Variants in NCKAP5 observed in about 807,000 individuals in gnomAD.
NCKAP5 encodes NCK associated protein 5.
In NCKAP5, 92 loss-of-function variants were observed where a neutral mutation model predicts 167.0. The ratio of observed to expected loss-of-function variants is 0.55; its 90% confidence interval spans 0.47 to 0.66. The LOEUF (loss-of-function observed/expected upper bound fraction) is 0.66, where lower values mean the gene tolerates loss of function less well. Among genes scored for constraint, NCKAP5 ranks in the 30% least tolerant of loss-of-function variants. The probability of loss-of-function intolerance (pLI) is 0.00; values close to 1 mark genes in which losing one functional copy is unlikely to be tolerated. For synonymous variants in NCKAP5, 891 were observed against 877.4 expected (o/e 1.02, Z -0.27); for missense variants, 2,378 against 2,315.0 (o/e 1.03, Z -0.56).
chr2:132,773,570 G>GT (rs1456345279), intron 16 of NCKAP5, among the ~76,000 whole-genome samples: 1 of 152,082 alleles, frequency 6.6e-6, no homozygotes, highest in Non-Finnish European at 1.5e-5. Flanking sequence ...ATTTCATATT[G>GT]ACAAATACTT....
At chr2:133,528,844 C>A (rs1685127509) in intron 2 of NCKAP5, among the ~76,000 whole-genome samples, 1 of 152,228 alleles carries the variant, frequency 6.6e-6, no homozygotes. Context: ...CTCACTAGGG[C>A]TTGCCCATCT....
intron 15 of NCKAP5, among the ~76,000 whole-genome samples, chr2:132,777,082 TAGA>T (rs1682616930): frequency 6.6e-6 from 1 of 152,220 alleles, no homozygotes; most frequent in Non-Finnish European, 1.5e-5. Flanking sequence ...TGGTAAAAAG[TAGA>T]AGGTGACTCA....
At chr2:133,466,959 G>A (rs955815153) in intron 3 of NCKAP5, among the ~76,000 whole-genome samples, 1 of 152,056 alleles carries the variant, frequency 6.6e-6, no homozygotes, top group Non-Finnish European at 1.5e-5. Context: ...CTGCAAACAG[G>A]GACAATTTGA....
intron 3 of NCKAP5, among the ~76,000 whole-genome samples, chr2:133,444,244 C>T (rs1016635106): frequency 2.0e-5 from 3 of 152,102 alleles, no homozygotes; most frequent in African/African-American, 7.2e-5. Context: ...TAGGGAAAGA[C>T]TCACAGCGTC....
At chr2:133,187,057 G>C (rs866286400) in intron 5 of NCKAP5, among the ~76,000 whole-genome samples, 12 of 151,970 alleles carry the variant, frequency 7.9e-5, no homozygotes, top group African/African-American at 2.7e-4. Flanking sequence ...TTGTTAATTT[G>C]AGATTTTTCT....
intron 11 of NCKAP5, among the ~76,000 whole-genome samples, chr2:132,844,439 A>AT (rs1158229153): frequency 3.9e-5 from 6 of 151,982 alleles, no homozygotes; most frequent in Admixed American, 3.3e-4. Flanking sequence ...TATGACATAC[A>AT]TTTTTTCCAG....
At chr2:133,464,937 A>T (rs1692451719) in intron 3 of NCKAP5, among the ~76,000 whole-genome samples, 1 of 151,844 alleles carries the variant, frequency 6.6e-6, no homozygotes, top group Non-Finnish European at 1.5e-5. Flanking sequence ...GGCCAATTAT[A>T]GACTAATTGA....
chr2:133,128,306 C>T (rs2149788195), intron 6 of NCKAP5, among the ~76,000 whole-genome samples: 1 of 152,250 alleles, frequency 6.6e-6, no homozygotes, highest in Admixed American at 6.5e-5. Context: ...AAAAGTGAAA[C>T]AAATTATTTT....
intron 3 of NCKAP5, among the ~76,000 whole-genome samples, chr2:133,336,378 C>A (rs1683207153): frequency 6.6e-6 from 1 of 152,118 alleles, no homozygotes; most frequent in Non-Finnish European, 1.5e-5. Context: ...CAAGGCCATG[C>A]TTTTCCTTTC....
chr2:133,354,059 T>G (rs2150830101), intron 3 of NCKAP5, among the ~76,000 whole-genome samples: 1 of 152,306 alleles, frequency 6.6e-6, no homozygotes, highest in Admixed American at 6.5e-5. Flanking sequence ...CACAGCTACT[T>G]GGGCTCCTGC....
intron 6 of NCKAP5, among the ~76,000 whole-genome samples, chr2:132,998,749 T>C (rs771891166): frequency 3.3e-5 from 5 of 152,200 alleles, no homozygotes; most frequent in Non-Finnish European, 7.3e-5. Flanking sequence ...AAGTTTGCAT[T>C]ACTAGCCAGC....
At chr2:133,596,789 T>G in the NCKAP5 span, among the ~76,000 whole-genome samples, 1 of 152,072 alleles carries the variant, frequency 6.6e-6, no homozygotes. Flanking sequence ...AACACATGGC[T>G]TATGTAATCA....
intron 8 of NCKAP5, chr2:132,911,062 T>C: frequency 5.0e-6 from 1 of 199,258 alleles, no homozygotes; most frequent in Admixed American, 4.7e-5. Flanking sequence ...GTAGAGAGAC[T>C]TCACTGCCTG....
the NCKAP5 span, among the ~76,000 whole-genome samples, chr2:133,646,813 C>A: frequency 6.6e-6 from 1 of 152,018 alleles, no homozygotes; most frequent in East Asian, 1.9e-4. Flanking sequence ...AATAGTTATA[C>A]ATTGTGACAA....
intron 5 of NCKAP5, among the ~76,000 whole-genome samples, chr2:133,194,336 G>GA (rs905131453): frequency 1.2e-4 from 18 of 148,904 alleles, no homozygotes; most frequent in East Asian, 1.2e-3. Flanking sequence ...CCCAATGGCT[G>GA]AAAAAAAAAA....
At chr2:133,472,656 T>C (rs1306358669) in intron 3 of NCKAP5, among the ~76,000 whole-genome samples, 1 of 152,128 alleles carries the variant, frequency 6.6e-6, no homozygotes, top group African/African-American at 2.4e-5. Flanking sequence ...GTACTAACCC[T>C]GCAAAAATGT....
At chr2:133,373,380 C>T (rs1685931956) in intron 3 of NCKAP5, among the ~76,000 whole-genome samples, 1 of 152,018 alleles carries the variant, frequency 6.6e-6, no homozygotes, top group Admixed American at 6.6e-5. Context: ...GTACTATCTA[C>T]AGGGAAAACT....
intron 8 of NCKAP5, among the ~76,000 whole-genome samples, chr2:132,905,922 A>G (rs1266488638): frequency 6.6e-6 from 1 of 152,154 alleles, no homozygotes; most frequent in Non-Finnish European, 1.5e-5. Context: ...TCACATATGA[A>G]GGGACGCAGC....
chr2:133,536,070 T>C (rs943576577), intron 2 of NCKAP5, among the ~76,000 whole-genome samples: 3 of 152,222 alleles, frequency 2.0e-5, no homozygotes, highest in African/African-American at 7.2e-5. Flanking sequence ...GCAAATATTT[T>C]CTCTCATTCT....
Sources: gnomAD v4.1 joint callset for allele counts (sites outside exome capture counted in the v4.1 genomes callset) on GRCh38, gnomAD v4.1.1 for gene constraint, MANE v1.5 for transcripts, NCBI Gene and HGNC (gene_info 2026-07-23, HGNC 2026-07-21) for gene names.